The following LYRM4 variants were observed in gnomAD, a reference collection of about 807,000 sequenced individuals.
LYRM4 encodes LYR motif containing 4.
In LYRM4, 9 loss-of-function variants were observed where a neutral mutation model predicts 11.7. The ratio of observed to expected loss-of-function variants is 0.77; its 90% CI spans 0.46 to 1.34. The LOEUF (loss-of-function observed/expected upper bound fraction) is 1.34. Among genes scored for constraint, LYRM4 ranks in the 40% most tolerant of loss-of-function variants. The probability of loss-of-function intolerance (pLI) is 0.00; values close to 1 mark genes in which losing one functional copy is unlikely to be tolerated. For synonymous variants in LYRM4, 42 were observed against 40.4 expected, an observed-to-expected ratio of 1.04 and a Z score of -0.15; for missense variants, 133 against 112.5, an observed-to-expected ratio of 1.18 and a Z score of -0.82.
intron 2 of LYRM4, among the ~76,000 whole-genome samples, chr6:5,178,097 C>T (rs952084443): frequency 6.6e-6 from 1 of 152,128 alleles, no homozygotes; most frequent in African/African-American, 2.4e-5. Context: ...GTCTTTTCAT[C>T]TTATATCCCT....
the LYRM4 span, among the ~76,000 whole-genome samples, chr6:5,059,994 A>T: frequency 0.29 from 43,923 of 152,018 alleles, 6,762 homozygotes; most frequent in African/African-American, 0.39. Context: ...GTTGATTTTC[A>T]GCCAGCATTC....
intron 2 of LYRM4, among the ~76,000 whole-genome samples, chr6:5,192,478 G>T (rs574783141): frequency 1.8e-4 from 28 of 152,228 alleles, no homozygotes; most frequent in African/African-American, 6.0e-4. Context: ...AGGAAAAATT[G>T]ACTTTTTTTA....
At chr6:5,061,527 T>C in the LYRM4 span, among the ~76,000 whole-genome samples, 2 of 152,246 alleles carry the variant, frequency 1.3e-5, no homozygotes, top group African/African-American at 4.8e-5. Context: ...CCTCCCAAGC[T>C]TTTCACTTAC....
the LYRM4 span, chr6:5,054,223 C>CAGGGACAAGGCATTCA: frequency 2.4e-6 from 1 of 416,968 alleles, no homozygotes; most frequent in Non-Finnish European, 3.2e-6. Context: ...AAATGAATGC[C>CAGGGACAAGGCATTCA]TTGTCCCTGG....
intron 1 of LYRM4, among the ~76,000 whole-genome samples, chr6:5,234,942 G>C (rs1763453092): frequency 6.6e-6 from 1 of 152,126 alleles, no homozygotes; most frequent in Admixed American, 6.5e-5. Context: ...CCAGAGCTCA[G>C]GTTCACTGCC....
intron 1 of LYRM4, among the ~76,000 whole-genome samples, chr6:5,241,740 A>G (rs936349464): frequency 2.0e-5 from 3 of 152,210 alleles, no homozygotes; most frequent in Admixed American, 6.5e-5. Context: ...CTCAGTAAAC[A>G]TTTGTTAATT....
chr6:5,163,697 T>G (rs1758904390), intron 2 of LYRM4, among the ~76,000 whole-genome samples: 2 of 151,542 alleles, frequency 1.3e-5, no homozygotes, highest in Non-Finnish European at 2.9e-5. Flanking sequence ...CACTGCAACT[T>G]CTGCCTCCTG....
At chr6:5,201,512 C>T (rs1211735314) in intron 2 of LYRM4, among the ~76,000 whole-genome samples, 1 of 152,236 alleles carries the variant, frequency 6.6e-6, no homozygotes, top group Non-Finnish European at 1.5e-5. Context: ...TCTTTTCAGC[C>T]TTCTGCGCTC....
At chr6:5,213,244 G>A (rs1276324182) in intron 2 of LYRM4, among the ~76,000 whole-genome samples, 1 of 152,118 alleles carries the variant, frequency 6.6e-6, no homozygotes, top group Non-Finnish European at 1.5e-5. Context: ...CCTGCATCTC[G>A]GTTTCTCTAC....
downstream of LYRM4, among the ~76,000 whole-genome samples, chr6:5,099,314 T>G (rs1762428493): frequency 6.6e-6 from 1 of 151,930 alleles, no homozygotes; most frequent in African/African-American, 2.4e-5. The surrounding 1 kb of genome is among the most constrained non-coding windows in gnomAD (Gnocchi z 4.3). Flanking sequence ...GCGATCTTCC[T>G]AGCTCAGCCT....
intron 2 of LYRM4, among the ~76,000 whole-genome samples, chr6:5,152,170 G>C (rs915832497): frequency 6.6e-6 from 1 of 152,198 alleles, no homozygotes; most frequent in Non-Finnish European, 1.5e-5. Flanking sequence ...TCATTCTATA[G>C]ATGAGGAGCA....
chr6:5,152,867 C>CAA (rs1317643430), intron 2 of LYRM4, among the ~76,000 whole-genome samples: 1 of 152,320 alleles, frequency 6.6e-6, no homozygotes, highest in East Asian at 1.9e-4. Context: ...CCTGTGCTGA[C>CAA]AAACTTGCTG....
At chr6:5,197,492 T>C (rs1284159864) in intron 2 of LYRM4, among the ~76,000 whole-genome samples, 1 of 151,806 alleles carries the variant, frequency 6.6e-6, no homozygotes, top group Non-Finnish European at 1.5e-5. Flanking sequence ...GCCAAGATGG[T>C]GAAACCCCGT....
chr6:5,118,094 A>ATATATATATATATATATTT, intron 2 of LYRM4, among the ~76,000 whole-genome samples: 11 of 86,128 alleles, frequency 1.3e-4, no homozygotes, highest in South Asian at 4.3e-4. Context: ...ATATATATAT[A>ATATATATATATATATATTT]TTTTTGTTTT....
At chr6:5,086,439 C>G in the LYRM4 span, 3 of 1,536,572 alleles carry the variant, frequency 2.0e-6, no homozygotes, top group Admixed American at 2.0e-5. Flanking sequence ...AAGAGGACGC[C>G]GACGAGCGCG....
intron 2 of LYRM4, among the ~76,000 whole-genome samples, chr6:5,133,594 A>G (rs984776573): frequency 2.4e-4 from 37 of 152,380 alleles, no homozygotes; most frequent in African/African-American, 6.0e-4. Flanking sequence ...ATACATCAGA[A>G]TTATAAAAAA....
chr6:5,199,580 C>A (rs1417763223), intron 2 of LYRM4, among the ~76,000 whole-genome samples: 1 of 152,140 alleles, frequency 6.6e-6, no homozygotes, highest in Admixed American at 6.5e-5. Flanking sequence ...CACAATATTG[C>A]AGGGAAGAAC....
intron 2 of LYRM4, among the ~76,000 whole-genome samples, chr6:5,130,605 G>C (rs544073956): frequency 6.6e-6 from 1 of 152,132 alleles, no homozygotes; most frequent in Non-Finnish European, 1.5e-5. Context: ...TGAAACAAAT[G>C]GCTGCTTCTA....
the LYRM4 span, among the ~76,000 whole-genome samples, chr6:5,056,580 G>A: frequency 6.6e-6 from 1 of 152,168 alleles, no homozygotes; most frequent in African/African-American, 2.4e-5. Flanking sequence ...CCAAATGTTG[G>A]CAGCTTTTCT....
Sources: allele counts gnomAD v4.1 joint callset (sites outside exome capture counted in the v4.1 genomes callset), GRCh38; gene constraint gnomAD v4.1.1; non-coding constraint Gnocchi (gnomAD v3.1); transcripts MANE v1.5; gene names NCBI Gene and HGNC (gene_info 2026-07-23, HGNC 2026-07-21).